DAPL1: variants seen among roughly 807,000 people sequenced by gnomAD.
The protein encoded by DAPL1 is death associated protein like 1.
In DAPL1, 17 loss-of-function variants were observed where a neutral mutation model predicts 12.9. That is an observed-to-expected ratio of 1.32 (90% CI 0.90 to 1.98). DAPL1 has a LOEUF of 1.98. Ranked by LOEUF, DAPL1 falls within the 30% of genes most tolerant of loss-of-function variation. The pLI, the probability that DAPL1 is intolerant of heterozygous loss-of-function variation, is 0.00. For synonymous variants in DAPL1, 51 were observed against 42.0 expected, an observed-to-expected ratio of 1.21 and a Z score of -0.82; for missense variants, 157 against 125.7, an observed-to-expected ratio of 1.25 and a Z score of -1.19.
In DAPL1 at chr2:158,815,922, T is replaced by A; in HGVS notation, c.*101T>A. 1.2e-6 allele frequency: 1 copy of A among 814,462 alleles called. No individual in the cohort carries two copies. Among genetic ancestry groups the A allele is most frequent in the Non-Finnish European group, 2.1e-6 (1 of 473,970 alleles). The allele number at this position is 814,462 out of a possible 1,614,324, so 50.5% of individuals were successfully genotyped here. ...CCATAGGCGTGCTGCACTTGCTTGG[T>A]AAATTAAGCAGCTTTTGTATCTTCC... On this transcript the variant is annotated 3_prime_UTR_variant, in exon 4 of 4. Transcript: ENST00000309950.
chr2:158,809,051 T>C (rs2059216503), intron 3 of DAPL1, among the ~76,000 whole-genome samples: 1 of 152,038 alleles, frequency 6.6e-6, no homozygotes. Context: ...AACATTGAGA[T>C]GGTGTGCTGT....
chr2:158,806,994 G>T, intron 2 of DAPL1, 61 bp from the exon 3 acceptor site: 1 of 1,225,538 alleles, frequency 8.2e-7, no homozygotes, highest in South Asian at 1.2e-5. Flanking sequence ...TATAAATCAT[G>T]TGGCCTTTTC....
At chr2:158,799,943 A>C (rs2059157813) in intron 1 of DAPL1, among the ~76,000 whole-genome samples, 1 of 151,956 alleles carries the variant, frequency 6.6e-6, no homozygotes, top group Admixed American at 6.6e-5. Flanking sequence ...GGGCACCTGT[A>C]GTCCCAGCTA....
chr2:158,804,261 C>G, intron 1 of DAPL1, 21 bp from the exon 2 acceptor site: 1 of 1,559,122 alleles, frequency 6.4e-7, no homozygotes, highest in Non-Finnish European at 8.8e-7. Flanking sequence ...AACTTCCATG[C>G]TGATTTTTAT....
intron 3 of DAPL1, among the ~76,000 whole-genome samples, chr2:158,809,033 C>T (rs529897619): frequency 7.9e-5 from 12 of 152,020 alleles, no homozygotes; most frequent in African/African-American, 2.7e-4. Context: ...ATTTGGAAAC[C>T]ATAAGAGAAC....
At chr2:158,804,004 T>A (rs1300492989) in intron 1 of DAPL1, among the ~76,000 whole-genome samples, 5 of 152,220 alleles carry the variant, frequency 3.3e-5, no homozygotes, top group Non-Finnish European at 7.3e-5. Flanking sequence ...AGGGAGTATG[T>A]TGTTATTCTC....
At chr2:158,810,811 G>C (rs763301616) in intron 3 of DAPL1, among the ~76,000 whole-genome samples, 9 of 152,156 alleles carry the variant, frequency 5.9e-5, no homozygotes, top group Non-Finnish European at 1.2e-4. Context: ...CAGAAAACAG[G>C]CTGTGTAGCC....
At chr2:158,810,262 T>C (rs76771882) in intron 3 of DAPL1, among the ~76,000 whole-genome samples, 2,481 of 152,272 alleles carry the variant, frequency 0.016, 66 homozygotes, top group African/African-American at 0.056. Flanking sequence ...CTACAATGAT[T>C]CTCCTCACGG....
At chr2:158,796,010 G>T (rs1336113034) in intron 1 of DAPL1, among the ~76,000 whole-genome samples, 1 of 152,088 alleles carries the variant, frequency 6.6e-6, no homozygotes, top group Non-Finnish European at 1.5e-5. Flanking sequence ...GAGGCTGACT[G>T]GAAAAAGTAG....
chr2:158,815,154 C>T (rs1001692419), intron 3 of DAPL1, among the ~76,000 whole-genome samples: 4 of 152,222 alleles, frequency 2.6e-5, no homozygotes, highest in Non-Finnish European at 5.9e-5. Context: ...GGCTAGTAGG[C>T]CATCCCTCAG....
At chr2:158,814,401 G>A (rs1007678125) in intron 3 of DAPL1, among the ~76,000 whole-genome samples, 2 of 152,072 alleles carry the variant, frequency 1.3e-5, no homozygotes, top group Non-Finnish European at 2.9e-5. Flanking sequence ...TAATCCTTGG[G>A]CTTAATTTTT....
chr2:158,810,123 G>A (rs954954786), intron 3 of DAPL1, among the ~76,000 whole-genome samples: 18 of 152,256 alleles, frequency 1.2e-4, no homozygotes, highest in African/African-American at 4.1e-4. Flanking sequence ...TTTTACTGTA[G>A]GTAAGTACTT....
intron 3 of DAPL1, among the ~76,000 whole-genome samples, chr2:158,815,258 G>T (rs1442733519): frequency 1.3e-5 from 2 of 152,154 alleles, no homozygotes; most frequent in East Asian, 3.9e-4. Context: ...TACACACTTA[G>T]ACCTAATAAA....
At chr2:158,813,561 T>C (rs1344095792) in intron 3 of DAPL1, among the ~76,000 whole-genome samples, 7 of 114,538 alleles carry the variant, frequency 6.1e-5, no homozygotes, top group East Asian at 1.9e-4. Context: ...CTTTTTCTTT[T>C]TTTTTTTTTT....
chr2:158,809,627 T>G (rs1013446387), intron 3 of DAPL1, among the ~76,000 whole-genome samples: 3 of 152,146 alleles, frequency 2.0e-5, no homozygotes, highest in African/African-American at 7.2e-5. Flanking sequence ...AGTATCTACT[T>G]CATAGGGACA....
At chr2:158,798,691 C>T (rs1017097041) in intron 1 of DAPL1, among the ~76,000 whole-genome samples, 2 of 152,002 alleles carry the variant, frequency 1.3e-5, no homozygotes, top group Non-Finnish European at 2.9e-5. Context: ...ATGTCAAAGC[C>T]CTCTTACTCT....
chr2:158,810,270 C>A (rs540034440), intron 3 of DAPL1, among the ~76,000 whole-genome samples: 10 of 152,118 alleles, frequency 6.6e-5, no homozygotes, highest in Non-Finnish European at 1.2e-4. Flanking sequence ...ATTCTCCTCA[C>A]GGTATGTATT....
intron 3 of DAPL1, among the ~76,000 whole-genome samples, chr2:158,809,542 C>G (rs2059220013): frequency 6.6e-6 from 1 of 152,098 alleles, no homozygotes; most frequent in Non-Finnish European, 1.5e-5. Flanking sequence ...CTCTTACTAG[C>G]TTTTTGTCCT....
chr2:158,815,870 C>A lies in DAPL1; in HGVS notation c.*49C>A. On this transcript the variant is annotated 3_prime_UTR_variant, in exon 4 of 4. Transcript: ENST00000309950. ...CTGGCCAGCTGCCTCGAATATCTGACAGCTTAGCAAAAAGGGCCAAAGCTT... is the reference window on the plus strand; with the variant it reads ...CTGGCCAGCTGCCTCGAATATCTGAAAGCTTAGCAAAAAGGGCCAAAGCTT... The A allele has an allele frequency of 2.9e-6, 4 of 1,379,586 alleles. No individual in the cohort carries two copies. Among genetic ancestry groups the A allele is most frequent in the South Asian group, 1.2e-5 (1 of 85,978 alleles). The allele number at this position is 1,379,586 out of a possible 1,614,324, so 85.5% of individuals were successfully genotyped here.
Sources: allele counts gnomAD v4.1 joint callset (sites outside exome capture counted in the v4.1 genomes callset), GRCh38; gene constraint gnomAD v4.1.1; transcripts MANE v1.5; gene names NCBI Gene and HGNC (gene_info 2026-07-23, HGNC 2026-07-21).